Variants in PER1 observed in about 807,000 individuals in gnomAD.
PER1 encodes the protein period circadian regulator 1, also known as period circadian protein homolog 1.
In PER1, 87 loss-of-function variants were observed where a neutral mutation model predicts 125.9. That is an observed-to-expected ratio of 0.69 (90% CI 0.58 to 0.83). The LOEUF is 0.83. Among genes scored for constraint, PER1 ranks in the 40% least tolerant of loss-of-function variants. PER1 has a pLI of 0.00. For missense variants in PER1, 1,775 were observed against 1,722.8 expected (o/e 1.03, Z -0.54); for synonymous variants, 801 against 714.7 (o/e 1.12, Z -1.93).
chr17:8,144,562 G>A (rs1212003045), intron 18 of PER1, 189 bp downstream of exon 18: 1 of 700,104 alleles, frequency 1.4e-6, no homozygotes, highest in Admixed American at 3.4e-5. Context: ...GCCCTCCTCT[G>A]GCTGCAGCCC....
Position 8,150,033 on chromosome 17 carries a change from T to C in PER1, c.467A>G (p.Lys156Arg), listed in dbSNP as rs778341182. The C allele has an allele frequency of 4.3e-6, 7 of 1,614,164 alleles. No homozygotes were observed. Residue 156 changes from lysine (K) to arginine (R), a missense_variant, in exon 4 of 23, where the codon AAG becomes AGG. By Grantham distance (26) the Lys-to-Arg change is conservative. Transcript: ENST00000317276. ...CGTGGCCAGGGTCCCAGAGCGGCCC[T>C]TGCCCCGGCGCTCTGGCGGCAGTCG... is the stretch of plus-strand genomic sequence containing the variant. Reference protein sequence around the residue: ...KLRLPPERRGKGRSGTLATLQ... With the variant: ...KLRLPPERRGRGRSGTLATLQ...
In PER1 at chr17:8,142,698, C is replaced by CCCAGAGCCCAAG. The variant is rs761434391; in HGVS notation, c.3198_3209dup (p.Leu1067_Gly1070dup). On this transcript the variant is annotated inframe_insertion, in exon 20 of 23. Transcript: ENST00000317276. The stretch of plus-strand genomic sequence containing the variant: ...CCCCTTCATGGGAGCCTGAACCAGA[C>CCCAGAGCCCAAG]CCAGAGCCCAAGCCAGAGCCCAAGG... 11 of 1,614,028 alleles carry CCCAGAGCCCAAG rather than the reference C, an allele frequency of 6.8e-6. No individual in the cohort carries two copies. The Admixed American group carries it at 8.3e-5, about 12-fold the overall frequency.
At chr17:8,144,016 A>C in intron 18 of PER1, 140 bp from the exon 19 acceptor site, 1 of 1,316,992 alleles carries the variant, frequency 7.6e-7, no homozygotes, top group Non-Finnish European at 9.9e-7. Context: ...AGAACGGGGG[A>C]CTCAGGAGGT....
intron 21 of PER1, 44 bp downstream of exon 21, chr17:8,142,225 C>A: frequency 6.7e-7 from 1 of 1,490,676 alleles, no homozygotes. Flanking sequence ...GCCCCCACTA[C>A]TACCTCTGAA....
chr17:8,146,563 C>T (rs759330091), intron 15 of PER1, 31 bp downstream of exon 15: 8 of 1,601,750 alleles, frequency 5.0e-6, no homozygotes, highest in South Asian at 2.2e-5. Flanking sequence ...GGTTAGAGCC[C>T]GAGGTGGAGA....
Position 8,142,394 on chromosome 17 carries a change from A to T in PER1, c.3324T>A (p.Ala1108=). Residue 1108 remains alanine, a synonymous_variant, in exon 21 of 23, where the codon GCT becomes GCA. Coordinates refer to ENST00000317276, the MANE Select transcript of PER1 (RefSeq NM_002616.3). ...GCTCAGCCCCGCCCCGAGCAGCCCC[A>T]GCCTCAGCCTCGGAAGAGTCGATGC... The part of the protein sequence containing the change: ...FGSIDSSEAE[A]GAARGGAEPG... 2 of 1,611,602 alleles carry T rather than the reference A, an allele frequency of 1.2e-6. No homozygotes were observed. Among genetic ancestry groups the T allele is most frequent in the Non-Finnish European group, 1.7e-6 (2 of 1,179,114 alleles).
At position 8,140,878 on chromosome 17, in the gene PER1, G is replaced by T; in HGVS notation, c.*190C>A. 1 of 622,820 alleles carries T rather than the reference G, an allele frequency of 1.6e-6. No individual in the cohort carries two copies. Among genetic ancestry groups the T allele is most frequent in the Non-Finnish European group, 2.8e-6 (1 of 358,988 alleles). 38.6% of individuals were successfully genotyped at this position (622,820 alleles called of 1,614,324 possible). A position where few individuals can be genotyped will look rare whatever the true frequency, so the allele number is the denominator to read the frequency against. The stretch of plus-strand genomic sequence containing the variant: ...CCTCTGGGCTGGGCTGCGGAGTTCT[G>T]CTCTCTGCTCCCTAAGAGGCCAGAG... On this transcript the variant is annotated 3_prime_UTR_variant, in exon 23 of 23. Coordinates refer to ENST00000317276, the MANE Select transcript of PER1 (RefSeq NM_002616.3).
intron 1 of PER1, among the ~76,000 whole-genome samples, chr17:8,151,807 A>G (rs1163900085): frequency 1.3e-5 from 2 of 151,868 alleles, no homozygotes; most frequent in African/African-American, 2.4e-5. Context: ...CAGCCAACAG[A>G]TCTTTCTTCC....
rs2151859558 is a variant in PER1 at position 8,143,687 on chromosome 17, T to G, written c.2651A>C (p.Tyr884Ser). The G allele has an allele frequency of 7.0e-7, 1 of 1,419,662 alleles. No homozygotes were observed. Among genetic ancestry groups the G allele is most frequent in the African/African-American group, 1.8e-5 (1 of 56,270 alleles). The allele number at this position is 1,419,662 out of a possible 1,614,324, so 87.9% of individuals were successfully genotyped here. A position where few individuals can be genotyped will look rare whatever the true frequency, so the allele number is the denominator to read the frequency against. ...TCGAGGAGAGAACACTGGGAGAGGG[T>G]AGGGCTGGACAACCGCTGGGAAGGG... is the stretch of plus-strand genomic sequence containing the variant. ...TTPFPAVVQP[Y>S]PLPVFSPRGG... Residue 884 changes from tyrosine to serine, a missense_variant, in exon 19 of 23, where the codon TAC (tyrosine) becomes TCC (serine). Transcript: ENST00000317276.
In PER1 at chr17:8,142,082, G is replaced by A. The variant is rs1002074541; in HGVS notation, c.3450-127C>T. On this transcript the variant is annotated intron_variant, in intron 21 of 22. Transcript: ENST00000317276. Reference sequence around the variant, plus strand: ...CTCCTCCCCTAAACTAGTGCTATGCGAGGTCAAGGCTTCCAAGACCAGGAA... The same window carrying A: ...CTCCTCCCCTAAACTAGTGCTATGCAAGGTCAAGGCTTCCAAGACCAGGAA... 45 of 1,323,318 alleles carry A rather than the reference G, an allele frequency of 3.4e-5. No individual in the cohort carries two copies. In the Admixed American group the frequency reaches 4.1e-4, roughly 12 times the overall value. The allele number at this position is 1,323,318 out of a possible 1,614,324, so 82.0% of individuals were successfully genotyped here. A position where few individuals can be genotyped will look rare whatever the true frequency, so the allele number is the denominator to read the frequency against.
chr17:8,149,203 A>C, intron 7 of PER1, 56 bp downstream of exon 7: 1 of 1,478,792 alleles, frequency 6.8e-7, no homozygotes, highest in East Asian at 2.3e-5. Flanking sequence ...AGCAAAAACA[A>C]AAACAAAAAC....
At position 8,147,505 on chromosome 17, in the gene PER1, C is replaced by A; in HGVS notation, c.1462G>T (p.Glu488Ter). The change falls in exon 12 of 23, where the codon GAG becomes TAG. Residue 488 changes from glutamate to a stop codon, truncating the protein, a stop_gained. Coordinates refer to ENST00000317276, the MANE Select transcript of PER1 (RefSeq NM_002616.3). LOFTEE classifies it high-confidence loss of function. ...AGCCGGTGGATCTGCTCTGACAGCT[C>A]CTGGATATCAGTGTCCAGGGAGGGA... ...PAPSLDTDIQ[E>*]LSEQIHRLLL... 1.9e-6 allele frequency: 3 copies of A among 1,613,936 alleles called. No individual in the cohort carries two copies. The highest frequency in any genetic ancestry group is 2.5e-6 in the Non-Finnish European group (3 of 1,179,934).
chr17:8,151,279 C>A (rs35137117), intron 1 of PER1, among the ~76,000 whole-genome samples: 123 of 152,352 alleles, frequency 8.1e-4, no homozygotes, highest in African/African-American at 2.8e-3. Context: ...ACGTGCGCGG[C>A]CCCACCACGC....
At position 8,142,834 on chromosome 17, in the gene PER1, G is replaced by A. The variant is rs900398017; in HGVS notation, c.3074C>T (p.Ala1025Val). The A allele has an allele frequency of 2.3e-5, 37 of 1,593,090 alleles. No individual in the cohort carries two copies. The highest frequency in any genetic ancestry group is 2.7e-5 in the Non-Finnish European group (32 of 1,172,316). The change falls in exon 20 of 23, where the codon GCG (alanine) becomes GTG (valine). Residue 1025 changes from alanine (A) to valine (V), a missense_variant and splice_region_variant. By Grantham distance (64) the Ala-to-Val change is moderately conservative. Coordinates refer to ENST00000317276, the MANE Select transcript of PER1 (RefSeq NM_002616.3). The part of the protein sequence containing the change: ...AEAAEPEARL[A>V]EVTESSNQDA... ...CTGATTGGAGGACTCAGTGACCTCCGCCTGGAGGAGGGGAGGGGGGCAAGG... is the reference window on the plus strand; with the variant it reads ...CTGATTGGAGGACTCAGTGACCTCCACCTGGAGGAGGGGAGGGGGGCAAGG...
rs760398399 is a variant in PER1 at position 8,149,654 on chromosome 17, A to G, written c.661T>C (p.Ser221Pro). 1 of 1,609,946 alleles carries G rather than the reference A, an allele frequency of 6.2e-7. No homozygotes were observed. Among genetic ancestry groups the G allele is most frequent in the South Asian group, 1.1e-5 (1 of 91,036 alleles). ...CCCGTCAGGAAGGAGACAGCCACTG[A>G]GAAGGTATCCTGGCAGGAGGGGGAG... ...EYTLQNQDTF[S>P]VAVSFLTGRI... is the part of the protein sequence containing the mutation. The change falls in exon 6 of 23, where the codon TCA becomes CCA. Residue 221 changes from serine (S) to proline (P), a missense_variant. Transcript: ENST00000317276.
Position 8,143,349 on chromosome 17 carries a change from C to A in PER1, c.2989G>T (p.Gly997Trp). The A allele has an allele frequency of 6.2e-7, 1 of 1,611,870 alleles. No homozygotes were observed. The highest frequency in any genetic ancestry group is 8.5e-7 in the Non-Finnish European group (1 of 1,178,954). The change falls in exon 19 of 23, where the codon GGG becomes TGG. Residue 997 changes from glycine to tryptophan, a missense_variant. Transcript: ENST00000317276. ...CCAGGGCCTCCTGCAACAGCAGCCC[C>A]CTCAGCACGGGGGAGCTCCTCCAGC... ...LQLEELPRAE[G>W]AAVAGGPGSS...
At chr17:8,142,012 C>A in intron 21 of PER1, 57 bp from the exon 22 acceptor site, 1 of 1,604,552 alleles carries the variant, frequency 6.2e-7, no homozygotes, top group Non-Finnish European at 8.5e-7. Context: ...GGACCAGGAC[C>A]CATGAAGCTG....
At chr17:8,149,350 C>G (rs1237392125) in intron 6 of PER1, 40 bp from the exon 7 acceptor site, 1 of 1,611,284 alleles carries the variant, frequency 6.2e-7, no homozygotes, top group South Asian at 1.1e-5. Flanking sequence ...GCTTCCTGCC[C>G]CTTCCCTAGG....
intron 17 of PER1, 106 bp from the exon 18 acceptor site, chr17:8,145,099 GC>G (rs772859284): frequency 1.6e-6 from 2 of 1,221,582 alleles, no homozygotes; most frequent in African/African-American, 3.1e-5. Context: ...TGGCAGCTCT[GC>G]CCCACAGCCA....
Sources: allele counts gnomAD v4.1 joint callset (sites outside exome capture counted in the v4.1 genomes callset), GRCh38; gene constraint gnomAD v4.1.1; transcripts MANE v1.5; gene names NCBI Gene and HGNC (gene_info 2026-07-23, HGNC 2026-07-21).